MYCBP2: variants seen among roughly 807,000 people sequenced by gnomAD.
MYCBP2 encodes the protein E3 ubiquitin-protein ligase MYCBP2.
Under a neutral mutation model 525.3 loss-of-function variants are expected in MYCBP2, and 120 were observed. That is an observed-to-expected ratio of 0.23 (90% CI 0.20 to 0.27). The LOEUF (loss-of-function observed/expected upper bound fraction) is 0.27, where lower values mean the gene tolerates loss of function less well. Ranked by LOEUF, MYCBP2 falls within the 10% of genes least tolerant of loss-of-function variation. The pLI is 1.00. For synonymous variants in MYCBP2, 1,894 were observed against 1,955.8 expected, an observed-to-expected ratio of 0.97 and a Z score of 0.83; for missense variants, 4,149 against 5,657.1, an observed-to-expected ratio of 0.73 and a Z score of 8.55.
chr13:77,169,393 C>T (rs1479627078), intron 39 of MYCBP2, among the ~76,000 whole-genome samples: 1 of 115,272 alleles, frequency 8.7e-6, no homozygotes, highest in Non-Finnish European at 1.7e-5. Flanking sequence ...AAGACTCCGT[C>T]TCAAAAAAAA....
chr13:77,312,975 G>T (rs1338316066), intron 1 of MYCBP2, among the ~76,000 whole-genome samples: 1 of 151,868 alleles, frequency 6.6e-6, no homozygotes, highest in Non-Finnish European at 1.5e-5. Context: ...TTCTTCTCAA[G>T]TGTGTATAAT....
At chr13:77,046,340 A>G (rs920755876) in intron 82 of MYCBP2, among the ~76,000 whole-genome samples, 2 of 152,198 alleles carry the variant, frequency 1.3e-5, no homozygotes, top group African/African-American at 4.8e-5. Context: ...AGGAATAGGA[A>G]CTCTGCATTA....
chr13:77,190,041 C>G (rs1253543850), intron 29 of MYCBP2, among the ~76,000 whole-genome samples: 1 of 152,022 alleles, frequency 6.6e-6, no homozygotes, highest in Non-Finnish European at 1.5e-5. Flanking sequence ...AGTAATCAGG[C>G]AAAGTTTAAA....
At chr13:77,288,436 T>C in intron 2 of MYCBP2, 60 bp from the exon 3 acceptor site, 1 of 1,386,064 alleles carries the variant, frequency 7.2e-7, no homozygotes, top group Non-Finnish European at 1.0e-6. Flanking sequence ...AGTCCCATTT[T>C]ACATAAAAGT....
At chr13:77,294,117 T>TATAC (rs1340519120) in intron 2 of MYCBP2, among the ~76,000 whole-genome samples, 3 of 56,668 alleles carry the variant, frequency 5.3e-5, no homozygotes, top group Admixed American at 2.9e-4. Context: ...TATATATATA[T>TATAC]ATATATATAT....
chr13:77,260,792 C>T (rs554688400), intron 12 of MYCBP2, among the ~76,000 whole-genome samples, 200 bp from the exon 13 acceptor site: 129 of 152,248 alleles, frequency 8.5e-4, no homozygotes, highest in Non-Finnish European at 1.4e-3. Flanking sequence ...TTAATATTTA[C>T]GCTATCATTG....
chr13:77,168,290 A>T (rs2058750270), intron 40 of MYCBP2, 138 bp downstream of exon 40: 1 of 647,036 alleles, frequency 1.5e-6, no homozygotes, highest in African/African-American at 1.8e-5. Context: ...ACAGTGCCTA[A>T]TCACCTGCTG....
At chr13:77,260,711 A>G in intron 12 of MYCBP2, 119 bp from the exon 13 acceptor site, 1 of 882,240 alleles carries the variant, frequency 1.1e-6, no homozygotes, top group African/African-American at 1.8e-5. Context: ...CTATTTGTTT[A>G]TTTTCACAAA....
intron 52 of MYCBP2, among the ~76,000 whole-genome samples, chr13:77,127,606 T>A (rs1431319081): frequency 6.6e-6 from 1 of 151,930 alleles, no homozygotes; most frequent in Non-Finnish European, 1.5e-5. Flanking sequence ...TTAAAACTGA[T>A]ATTTAATAAT....
At chr13:77,220,726 A>G (rs2065427759) in intron 20 of MYCBP2, among the ~76,000 whole-genome samples, 1 of 152,152 alleles carries the variant, frequency 6.6e-6, no homozygotes, top group South Asian at 2.1e-4. Context: ...TTGTTCCTCT[A>G]TAGACATAAT....
intron 55 of MYCBP2, among the ~76,000 whole-genome samples, chr13:77,112,922 C>A (rs2049078733): frequency 6.6e-6 from 1 of 152,076 alleles, no homozygotes; most frequent in South Asian, 2.1e-4. Context: ...TTAGTATCTT[C>A]TCTTTAGATC....
intron 47 of MYCBP2, among the ~76,000 whole-genome samples, chr13:77,149,135 T>C (rs1213638000): frequency 6.6e-6 from 1 of 152,158 alleles, no homozygotes; most frequent in African/African-American, 2.4e-5. Flanking sequence ...GTTCTTTCTA[T>C]AGTCAAACAT....
At chr13:77,061,966 A>T (rs936706307) in intron 74 of MYCBP2, among the ~76,000 whole-genome samples, 176 bp from the exon 75 acceptor site, 60 of 152,208 alleles carry the variant, frequency 3.9e-4, no homozygotes, top group African/African-American at 1.4e-3. Context: ...AATCTCTCAA[A>T]ACTCCAAATC....
At chr13:77,254,244 A>G (rs530530755) in intron 14 of MYCBP2, among the ~76,000 whole-genome samples, 5 of 152,056 alleles carry the variant, frequency 3.3e-5, no homozygotes, top group South Asian at 4.1e-4. Flanking sequence ...ATAAAAGAAC[A>G]TGTAAAAATA....
chr13:77,185,833 TTTTCTCCCTATAGTCA>T, intron 31 of MYCBP2, 22 bp downstream of exon 31: 1 of 1,396,186 alleles, frequency 7.2e-7, no homozygotes. Flanking sequence ...GTCTCTAATA[TTTTCTCCCTATAGTCA>T]TTTAAAAAAA....
At chr13:77,317,153 T>C (rs754005885) in intron 1 of MYCBP2, among the ~76,000 whole-genome samples, 1 of 152,188 alleles carries the variant, frequency 6.6e-6, no homozygotes, top group African/African-American at 2.4e-5. Flanking sequence ...GGTCTCACCA[T>C]GTTGGCTGAG....
chr13:77,077,044 A>G (rs370244138), intron 67 of MYCBP2, 104 bp downstream of exon 67: 3 of 1,471,922 alleles, frequency 2.0e-6, no homozygotes, highest in East Asian at 4.6e-5. Context: ...GGCAACATTT[A>G]TAGCCAGAAA....
Position 77,180,150 on chromosome 13 carries a change from T to TC in MYCBP2, c.5109dup (p.Thr1704AspfsTer8). On this transcript the variant is annotated frameshift_variant, in exon 34 of 83. Coordinates refer to ENST00000544440, the MANE Select transcript of MYCBP2 (RefSeq NM_015057.5). LOFTEE classifies it high-confidence loss of function. ...ACCTCAGATCCCAGGGCTGACGCTG[T>TC]CAGTTCACTGACAATGCTGGCCAGT... 6.2e-7 allele frequency: 1 copy of TC among 1,613,930 alleles called. No homozygotes were observed. Among genetic ancestry groups the TC allele is most frequent in the Non-Finnish European group, 8.5e-7 (1 of 1,179,910 alleles).
In MYCBP2 at chr13:77,166,345, C is replaced by T; in HGVS notation, c.6324G>A (p.Met2108Ile). The T allele has an allele frequency of 1.2e-6, 2 of 1,608,968 alleles. No individual in the cohort carries two copies. Among genetic ancestry groups the T allele is most frequent in the Non-Finnish European group, 1.7e-6 (2 of 1,177,324 alleles). Residue 2108 changes from methionine (M) to isoleucine (I), a missense_variant, in exon 41 of 83, where the codon ATG (methionine) becomes ATA (isoleucine). Met to Ile is a conservative substitution (Grantham distance 10, BLOSUM62 1). Around this residue, in one of 21 missense-constraint regions of MYCBP2, gnomAD observed 692 missense variants for 852.7 expected, o/e 0.81. Coordinates refer to ENST00000544440, the MANE Select transcript of MYCBP2 (RefSeq NM_015057.5). ...KFSGSSGWPTMVLVLPGNEAL... is the reference protein window; with the variant it reads ...KFSGSSGWPTIVLVLPGNEAL... ...AAAACTTACCTGGCAACACCAAAAC[C>T]ATAGTAGGCCACCCAGAGGATCCTG...
Sources: gnomAD v4.1 joint callset for allele counts (sites outside exome capture counted in the v4.1 genomes callset) on GRCh38, gnomAD v4.1.1 for gene constraint, gnomAD v4.1.1 regional missense constraint, MANE v1.5 for transcripts, NCBI Gene and HGNC (gene_info 2026-07-23, HGNC 2026-07-21) for gene names.